The following CHERP variants were observed in gnomAD, a reference collection of about 807,000 sequenced individuals.
The protein encoded by CHERP is calcium homeostasis endoplasmic reticulum protein.
Under a neutral mutation model 113.8 loss-of-function variants are expected in CHERP, and 8 were observed. The ratio of observed to expected loss-of-function variants is 0.07; its 90% CI spans 0.04 to 0.13. The LOEUF (loss-of-function observed/expected upper bound fraction) is 0.13. Among genes scored for constraint, CHERP ranks in the 10% least tolerant of loss-of-function variants. CHERP has a pLI of 1.00. For missense variants in CHERP, 884 were observed against 1,298.2 expected (o/e 0.68, Z 4.90); for synonymous variants, 559 against 524.5 (o/e 1.07, Z -0.90).
intron 9 of CHERP, among the ~76,000 whole-genome samples, chr19:16,527,523 C>T (rs960709954): frequency 2.0e-5 from 3 of 152,198 alleles, no homozygotes; most frequent in Admixed American, 6.5e-5. Context: ...CTGGAAGACC[C>T]GGGGCTGTGC....
At position 16,520,577 on chromosome 19, in the gene CHERP, G is replaced by C; in HGVS notation, c.2202-70C>G. 1 of 1,537,658 alleles carries C rather than the reference G, an allele frequency of 6.5e-7. No homozygotes were observed. Among genetic ancestry groups the C allele is most frequent in the Non-Finnish European group, 8.8e-7 (1 of 1,133,496 alleles). ...GCACCCAGCCCACCCTGGCCCTCAG[G>C]TTCCTAGACCACCCCAGATGCAGGG... On this transcript the variant is annotated intron_variant, in intron 13 of 16. Transcript: ENST00000546361. This position sits in a 1 kb window ranked among gnomAD's most constrained non-coding sequence, Gnocchi z 4.0.
chr19:16,533,611 T>C (rs1015537336), intron 3 of CHERP, among the ~76,000 whole-genome samples: 7 of 151,730 alleles, frequency 4.6e-5, no homozygotes, highest in African/African-American at 1.7e-4. Flanking sequence ...AAAATACAAA[T>C]TAGTTGAGCA....
chr19:16,521,883 T>C (rs2085619012), intron 11 of CHERP, among the ~76,000 whole-genome samples: 1 of 152,138 alleles, frequency 6.6e-6, no homozygotes, highest in Non-Finnish European at 1.5e-5. Context: ...AGTCACAGGG[T>C]TCTCTCTTCA....
At chr19:16,521,232 G>A (rs192576172) in intron 12 of CHERP, 2 of 572,486 alleles carry the variant, frequency 3.5e-6, no homozygotes, top group African/African-American at 3.7e-5. Context: ...GGAAGGAGGG[G>A]TGACCACTGG....
At position 16,518,890 on chromosome 19, in the gene CHERP, T is replaced by C; in HGVS notation, c.*269A>G. The C allele has an allele frequency of 2.0e-6, 1 of 494,996 alleles. No individual in the cohort carries two copies. The highest frequency in any genetic ancestry group is 2.0e-5 in the African/African-American group (1 of 50,584). 30.7% of individuals were successfully genotyped at this position (494,996 alleles called of 1,614,324 possible). A position where few individuals can be genotyped will look rare whatever the true frequency, so the allele number is the denominator to read the frequency against. On this transcript the variant is annotated 3_prime_UTR_variant, in exon 17 of 17. Coordinates refer to ENST00000546361, the MANE Select transcript of CHERP (RefSeq NM_006387.6). ...TTACTCGGGCGGAGGGTCTTGTGTT[T>C]TTTGCTTCGCTATAAAGGAAAACGA...
In CHERP at chr19:16,530,923, G is replaced by C; in HGVS notation, c.675-43C>G. ...TCCGCGCGTCAGGGCCCTGGGGCGG[G>C]ACCCGGCCACGCGCCCGTTACCATC... On this transcript the variant is annotated intron_variant, in intron 5 of 16. Coordinates refer to ENST00000546361, the MANE Select transcript of CHERP (RefSeq NM_006387.6). The surrounding 1 kb of genome is among the most constrained non-coding windows in gnomAD (Gnocchi z 4.1). The C allele has an allele frequency of 6.3e-7, 1 of 1,599,820 alleles. No homozygotes were observed. Among genetic ancestry groups the C allele is most frequent in the South Asian group, 1.1e-5 (1 of 90,702 alleles).
At chr19:16,533,544 G>A (rs1222610076) in intron 3 of CHERP, among the ~76,000 whole-genome samples, 1 of 152,090 alleles carries the variant, frequency 6.6e-6, no homozygotes, top group Middle Eastern at 3.4e-3. Context: ...GATCGCTTGA[G>A]CCCAGGAGCT....
chr19:16,534,074 G>A (rs558635231), intron 3 of CHERP, among the ~76,000 whole-genome samples: 1 of 141,430 alleles, frequency 7.1e-6, no homozygotes, highest in East Asian at 2.0e-4. Flanking sequence ...TTTTTTTTGA[G>A]ATGGAATCTC....
In CHERP at chr19:16,520,748, T is replaced by C. The variant is rs2122242352; in HGVS notation, c.2201+78A>G. On this transcript the variant is annotated intron_variant, in intron 13 of 16. Coordinates refer to ENST00000546361, the MANE Select transcript of CHERP (RefSeq NM_006387.6). This position sits in a 1 kb window ranked among gnomAD's most constrained non-coding sequence, Gnocchi z 4.0. ...GCTGTGTGAGGGTGGACGTGATGAG[T>C]GTATCTGGGGTCTGCTCCCACCCAT... The C allele has an allele frequency of 2.2e-6, 3 of 1,391,416 alleles. No individual in the cohort carries two copies. Among genetic ancestry groups the C allele is most frequent in the Non-Finnish European group, 2.0e-6 (2 of 983,718 alleles). The allele number at this position is 1,391,416 out of a possible 1,614,324, so 86.2% of individuals were successfully genotyped here. A position where few individuals can be genotyped will look rare whatever the true frequency, so the allele number is the denominator to read the frequency against.
chr19:16,521,338 C>T (rs967088298), intron 12 of CHERP, 183 bp downstream of exon 12: 5 of 590,316 alleles, frequency 8.5e-6, no homozygotes, highest in African/African-American at 1.9e-5. Flanking sequence ...TCCATTAAAA[C>T]GCCCTTCATT....
At position 16,519,393 on chromosome 19, in the gene CHERP, G is replaced by A. The variant is rs566857773; in HGVS notation, c.2558-41C>T. The A allele has an allele frequency of 8.8e-5, 139 of 1,584,510 alleles. 2 individuals carry two copies. In the South Asian group the frequency reaches 1.4e-3, roughly 16 times the overall value. On this transcript the variant is annotated intron_variant, in intron 16 of 16. Coordinates refer to ENST00000546361, the MANE Select transcript of CHERP (RefSeq NM_006387.6). This position sits in a 1 kb window ranked among gnomAD's most constrained non-coding sequence, Gnocchi z 6.0. ...CAGTCACAACCACAACAAGGCGGAG[G>A]CAGATGGGGGTGCACGTGGGGGGCT...
Position 16,527,231 on chromosome 19 carries a change from G to GC in CHERP, c.1305+848dup, listed in dbSNP as rs547781790. On this transcript the variant is annotated intron_variant, in intron 9 of 16. Transcript: ENST00000546361. ...CACCTACAAAACAGGGACAAGAACT[G>GC]CCCCCCCCAGCAGAGGGTACCTGCA... is the stretch of plus-strand genomic sequence containing the variant. Among the ~76,000 whole-genome samples, 534 of 151,752 alleles carry GC rather than the reference G, an allele frequency of 3.5e-3. 2 individuals are homozygous for GC. The highest frequency in any genetic ancestry group is 6.6e-3 in the Non-Finnish European group (446 of 67,878).
rs1328744302 is a variant in CHERP, at chr19:16,520,764, T to TCCCA, written c.2201+58_2201+61dup. On this transcript the variant is annotated intron_variant, in intron 13 of 16. Transcript: ENST00000546361. This position sits in a 1 kb window ranked among gnomAD's most constrained non-coding sequence, Gnocchi z 4.0. ...CGTGATGAGTGTATCTGGGGTCTGC[T>TCCCA]CCCACCCATCACAAGCTGTGGACCC... 1 of 1,488,934 alleles carries TCCCA rather than the reference T, an allele frequency of 6.7e-7. No homozygotes were observed. Among genetic ancestry groups the TCCCA allele is most frequent in the Non-Finnish European group, 9.3e-7 (1 of 1,070,110 alleles). 92.2% of individuals were successfully genotyped at this position (1,488,934 alleles called of 1,614,324 possible).
chr19:16,532,773 AG>A lies in CHERP; in HGVS notation c.523-25del. The A allele has an allele frequency of 6.3e-7, 1 of 1,596,500 alleles. No individual in the cohort carries two copies. The highest frequency in any genetic ancestry group is 8.6e-7 in the Non-Finnish European group (1 of 1,167,718). ...GCCTGCAACAACCGAGCCAATGACG[AG>A]TGAGCAGGGCCGCGGCTCCCCCAGG... On this transcript the variant is annotated intron_variant, in intron 4 of 16. Coordinates refer to ENST00000546361, the MANE Select transcript of CHERP (RefSeq NM_006387.6). The surrounding 1 kb of genome is among the most constrained non-coding windows in gnomAD (Gnocchi z 4.4).
intron 3 of CHERP, among the ~76,000 whole-genome samples, chr19:16,534,538 G>A (rs2122278723): frequency 6.6e-6 from 1 of 152,172 alleles, no homozygotes; most frequent in East Asian, 1.9e-4. Flanking sequence ...GTGCAGTGGT[G>A]CAATCTCAGC....
chr19:16,529,902 T>TGAGA lies in CHERP; in HGVS notation c.877-6_877-3dup. 6.2e-7 allele frequency: 1 copy of TGAGA among 1,612,036 alleles called. No homozygotes were observed. The highest frequency in any genetic ancestry group is 1.1e-5 in the South Asian group (1 of 90,978). The stretch of plus-strand genomic sequence containing the variant: ...GGAGTACTCGTTGATGAGGGTGGCC[T>TGAGA]GAGAGAGAGAAGAGCACCCGCTGCT... On this transcript the variant is annotated splice_region_variant and splice_polypyrimidine_tract_variant and intron_variant, in intron 7 of 16. Transcript: ENST00000546361.
At position 16,519,481 on chromosome 19, in the gene CHERP, G is replaced by C; in HGVS notation, c.2558-129C>G. On this transcript the variant is annotated intron_variant, in intron 16 of 16. Transcript: ENST00000546361. This position sits in a 1 kb window ranked among gnomAD's most constrained non-coding sequence, Gnocchi z 6.0. ...TAGAGAGAACCCGCAGGCCGGCCCT[G>C]TCTAGAGGGTCTGGGTGGAGTCAGA... 2 of 1,251,888 alleles carry C rather than the reference G, an allele frequency of 1.6e-6. No individual in the cohort carries two copies. The highest frequency in any genetic ancestry group is 1.3e-5 in the South Asian group (1 of 76,114). 77.5% of individuals were successfully genotyped at this position (1,251,888 alleles called of 1,614,324 possible).
chr19:16,528,012 C>T, intron 9 of CHERP, 68 bp downstream of exon 9: 1 of 1,494,788 alleles, frequency 6.7e-7, no homozygotes, highest in Non-Finnish European at 9.2e-7. Flanking sequence ...CACCAACTGG[C>T]ATAGGGGAGG....
At chr19:16,538,985 C>T (rs2085759090) in intron 2 of CHERP, among the ~76,000 whole-genome samples, 3 of 152,012 alleles carry the variant, frequency 2.0e-5, no homozygotes, top group Admixed American at 1.3e-4. Flanking sequence ...AATTCAGACC[C>T]CACCATCTCT....
Sources: allele counts gnomAD v4.1 joint callset (sites outside exome capture counted in the v4.1 genomes callset), GRCh38; gene constraint gnomAD v4.1.1; non-coding constraint Gnocchi (gnomAD v3.1); transcripts MANE v1.5; gene names NCBI Gene and HGNC (gene_info 2026-07-23, HGNC 2026-07-21).